The following HEATR4 variants were observed in gnomAD, a reference collection of about 807,000 sequenced individuals.
HEATR4 encodes HEAT repeat containing 4.
A neutral mutation model predicts 108.8 loss-of-function variants in HEATR4; 95 were observed. The ratio of observed to expected loss-of-function variants is 0.87; its 90% CI spans 0.74 to 1.04. HEATR4 has a LOEUF of 1.04. HEATR4 is among the 50% of genes least tolerant of loss of function. The pLI, the probability that HEATR4 is intolerant of heterozygous loss-of-function variation, is 0.00. For missense variants in HEATR4, 1,152 were observed against 1,253.8 expected (o/e 0.92, Z 1.23); for synonymous variants, 443 against 459.4 (o/e 0.96, Z 0.46).
chr14:73,518,705 CCT>C lies in HEATR4; in HGVS notation c.1210+316_1210+317del, dbSNP rs1887785302. ...TGGGTCAGGAGTTTGATGCACTTTCCCTGTTAGGTGCACTTTCCCTGTTAGCA... is the reference window on the plus strand; with the variant it reads ...TGGGTCAGGAGTTTGATGCACTTTCCGTTAGGTGCACTTTCCCTGTTAGCA... On this transcript the variant is annotated intron_variant, in intron 5 of 17. Coordinates refer to ENST00000553558, the MANE Select transcript of HEATR4 (RefSeq NM_001220484.1). 1.3e-5 allele frequency among the ~76,000 whole-genome samples: 2 copies of C among 152,016 alleles called. 1 individual carries two copies. The highest frequency in any genetic ancestry group is 4.8e-5 in the African/African-American group (2 of 41,404).
In HEATR4 at chr14:73,519,173, G is replaced by A; in HGVS notation, c.1070-10C>T. The A allele has an allele frequency of 6.2e-7, 1 of 1,608,476 alleles. No homozygotes were observed. The highest frequency in any genetic ancestry group is 8.5e-7 in the Non-Finnish European group (1 of 1,176,942). ...ATGATCTGGACTTCATCTGTGAACA[G>A]ACAAAGAAACAATGAGTCCCCTATA... On this transcript the variant is annotated splice_polypyrimidine_tract_variant and intron_variant, in intron 4 of 17. Transcript: ENST00000553558.
At chr14:73,580,006 G>A in the HEATR4 span, among the ~76,000 whole-genome samples, 33 of 152,178 alleles carry the variant, frequency 2.2e-4, no homozygotes, top group African/African-American at 7.9e-4. Flanking sequence ...GCTGAGGTGG[G>A]TGAATCGCTT....
the HEATR4 span, chr14:73,573,698 A>G: frequency 7.9e-7 from 1 of 1,266,314 alleles, no homozygotes. Flanking sequence ...CCCTACCCCA[A>G]CACACACTAC....
rs59482129 is a variant in HEATR4 at position 73,506,521 on chromosome 14, C to T, written c.1932G>A (p.Lys644=). Residue 644 remains lysine (K), a synonymous_variant, in exon 10 of 18, where the codon AAG becomes AAA. Coordinates refer to ENST00000553558, the MANE Select transcript of HEATR4 (RefSeq NM_001220484.1). ...AAGCCTGGCAGGCCACAATCCGGTTCTTCCATTGACAGCTGTTCAGCTCCA... is the reference window on the plus strand; with the variant it reads ...AAGCCTGGCAGGCCACAATCCGGTTTTTCCATTGACAGCTGTTCAGCTCCA... ...LAVELNSCQW[K]NRIVACQAFS... 1 of 1,613,862 alleles carries T rather than the reference C, an allele frequency of 6.2e-7. No homozygotes were observed. The highest frequency in any genetic ancestry group is 1.3e-5 in the African/African-American group (1 of 75,060).
chr14:73,627,149 G>A, the HEATR4 span, among the ~76,000 whole-genome samples: 1 of 151,454 alleles, frequency 6.6e-6, no homozygotes, highest in African/African-American at 2.4e-5. Context: ...CACTAGCTGT[G>A]AAAGTCCCAG....
At chr14:73,581,606 A>G in the HEATR4 span, 2 of 127,974 alleles carry the variant, frequency 1.6e-5, no homozygotes, top group African/African-American at 5.8e-5. Flanking sequence ...AGAGCTAATC[A>G]TTATTTAATG....
At position 73,542,995 on chromosome 14, in the gene HEATR4, A is replaced by G; in HGVS notation, c.-151-12751T>C. The G allele has an allele frequency of 1.6e-6, 2 of 1,240,266 alleles. 1 individual carries two copies. Among genetic ancestry groups the G allele is most frequent in the East Asian group, 1.5e-4 (2 of 12,948 alleles). 76.8% of individuals were successfully genotyped at this position (1,240,266 alleles called of 1,614,324 possible). A position where few individuals can be genotyped will look rare whatever the true frequency, so the allele number is the denominator to read the frequency against. On this transcript the variant is annotated intron_variant, in intron 1 of 17. Transcript: ENST00000553558. ...ACTTCCAGGGTGGGCACAACTCACC[A>G]TATTCCACTGTTTGTGGAGCCATTC...
At chr14:73,625,166 C>T in the HEATR4 span, among the ~76,000 whole-genome samples, 1 of 151,896 alleles carries the variant, frequency 6.6e-6, no homozygotes, top group Non-Finnish European at 1.5e-5. Context: ...TCAAGCGATT[C>T]TCCTGCCTCA....
intron 8 of HEATR4, among the ~76,000 whole-genome samples, chr14:73,508,554 G>C (rs1886995950): frequency 6.6e-6 from 1 of 152,060 alleles, no homozygotes; most frequent in Non-Finnish European, 1.5e-5. Flanking sequence ...TTCAAGACCA[G>C]CCTGGCCAAC....
the HEATR4 span, chr14:73,612,370 G>A: frequency 2.4e-6 from 1 of 418,488 alleles, no homozygotes. Flanking sequence ...TATTTCAGCA[G>A]ATACTCTTTC....
intron 17 of HEATR4, among the ~76,000 whole-genome samples, chr14:73,482,602 A>G (rs1404574199): frequency 6.6e-6 from 1 of 152,186 alleles, no homozygotes; most frequent in Non-Finnish European, 1.5e-5. Flanking sequence ...ATAATATATG[A>G]TGGTTACATG....
chr14:73,558,381 T>G (rs1360696360), intron 1 of HEATR4, among the ~76,000 whole-genome samples: 3 of 135,466 alleles, frequency 2.2e-5, no homozygotes, highest in Non-Finnish European at 4.9e-5. Context: ...TTTTTTTTTT[T>G]TTGAGACAGG....
intron 4 of HEATR4, chr14:73,520,133 A>C (rs1887887345): frequency 6.6e-6 from 1 of 152,240 alleles, no homozygotes; most frequent in African/African-American, 2.4e-5. Flanking sequence ...CACTTTGAGA[A>C]GACTTTCAGC....
At chr14:73,591,930 G>T in the HEATR4 span, 1 of 1,357,490 alleles carries the variant, frequency 7.4e-7, no homozygotes, top group South Asian at 1.9e-5. Flanking sequence ...CTCGGGCCTC[G>T]ACCTTTGAAT....
At chr14:73,478,876 C>T (rs750416851) in intron 17 of HEATR4, 34 bp from the exon 18 acceptor site, 2 of 1,514,204 alleles carry the variant, frequency 1.3e-6, no homozygotes, top group Non-Finnish European at 9.0e-7. Flanking sequence ...AGTGCATATG[C>T]CAAACGTGTC....
the HEATR4 span, chr14:73,582,993 A>T: frequency 6.7e-6 from 1 of 150,074 alleles, no homozygotes; most frequent in South Asian, 2.1e-4. Flanking sequence ...ATCAGCCACC[A>T]ATGAAACTGC....
At chr14:73,494,710 C>T (rs909794436) in intron 16 of HEATR4, among the ~76,000 whole-genome samples, 1 of 151,972 alleles carries the variant, frequency 6.6e-6, no homozygotes, top group South Asian at 2.1e-4. Context: ...GCCACCACAC[C>T]CAGATAATTT....
At chr14:73,524,305 A>AT (rs1315856753) in intron 2 of HEATR4, among the ~76,000 whole-genome samples, 430 of 110,626 alleles carry the variant, frequency 3.9e-3, no homozygotes, top group Middle Eastern at 0.014. Context: ...AAAAAAAAAA[A>AT]AAAAAATATA....
chr14:73,599,427 G>A, the HEATR4 span, among the ~76,000 whole-genome samples: 1 of 152,072 alleles, frequency 6.6e-6, no homozygotes, highest in Admixed American at 6.6e-5. Context: ...GACAGGACTG[G>A]GTAGGAATGG....
Sources: gnomAD v4.1 joint callset for allele counts (sites outside exome capture counted in the v4.1 genomes callset) on GRCh38, gnomAD v4.1.1 for gene constraint, MANE v1.5 for transcripts, NCBI Gene and HGNC (gene_info 2026-07-23, HGNC 2026-07-21) for gene names.